Variants in CDH8 observed in about 807,000 individuals in gnomAD.
CDH8 encodes the protein cadherin-8.
Under a neutral mutation model 68.1 loss-of-function variants are expected in CDH8, and 17 were observed. That is an observed-to-expected ratio of 0.25 (90% CI 0.17 to 0.37). CDH8 has a LOEUF of 0.37. CDH8 is among the 10% of genes least tolerant of loss of function. The probability of loss-of-function intolerance (pLI) is 1.00; values close to 1 mark genes in which losing one functional copy is unlikely to be tolerated. For synonymous variants in CDH8, 372 were observed against 365.1 expected (o/e 1.02, Z -0.21); for missense variants, 763 against 999.3 (o/e 0.76, Z 3.19).
intron 2 of CDH8, among the ~76,000 whole-genome samples, chr16:61,971,874 T>C (rs1188295992): frequency 2.0e-5 from 3 of 152,186 alleles, no homozygotes; most frequent in Admixed American, 6.5e-5. Flanking sequence ...GTATATATTT[T>C]ACAATATCAT....
At chr16:61,677,408 C>T (rs1447949515) in intron 10 of CDH8, among the ~76,000 whole-genome samples, 3 of 151,780 alleles carry the variant, frequency 2.0e-5, no homozygotes, top group East Asian at 1.9e-4. Context: ...TACAAATGGG[C>T]TCCATTTACT....
intron 9 of CDH8, 68 bp downstream of exon 9, chr16:61,727,026 G>T (rs945694686): frequency 2.7e-6 from 4 of 1,495,660 alleles, no homozygotes; most frequent in Non-Finnish European, 2.8e-6. Flanking sequence ...ACAATATAAT[G>T]CAGGTTAGTC....
intron 4 of CDH8, among the ~76,000 whole-genome samples, chr16:61,845,447 A>G (rs999040925): frequency 2.8e-4 from 43 of 151,542 alleles, no homozygotes; most frequent in Admixed American, 1.3e-3. Flanking sequence ...TGTGTCACAT[A>G]CAATAAAACT....
chr16:61,981,513 C>A (rs1368478939), intron 2 of CDH8, among the ~76,000 whole-genome samples: 2 of 151,994 alleles, frequency 1.3e-5, no homozygotes, highest in African/African-American at 4.8e-5. Context: ...TAGAGTATTG[C>A]ACAGAGTCAG....
intron 4 of CDH8, among the ~76,000 whole-genome samples, chr16:61,853,969 T>C (rs1962991186): frequency 2.0e-5 from 3 of 151,630 alleles, no homozygotes; most frequent in African/African-American, 7.3e-5. Flanking sequence ...TATATACATG[T>C]ACATATATGT....
chr16:61,876,418 T>A (rs1466219951), intron 3 of CDH8, among the ~76,000 whole-genome samples: 1 of 152,102 alleles, frequency 6.6e-6, no homozygotes, highest in Non-Finnish European at 1.5e-5. Context: ...GATTTCTGGT[T>A]CTTGAAGTCA....
At chr16:61,844,887 C>A (rs1024067496) in intron 4 of CDH8, among the ~76,000 whole-genome samples, 10 of 152,082 alleles carry the variant, frequency 6.6e-5, no homozygotes, top group African/African-American at 2.4e-4. Flanking sequence ...AAGGGAAAGA[C>A]TTTAAAAGTA....
intron 2 of CDH8, among the ~76,000 whole-genome samples, chr16:61,930,442 A>T (rs1964524705): frequency 6.6e-6 from 1 of 152,182 alleles, no homozygotes. Flanking sequence ...AATGATTTGA[A>T]TTTAGCACAT....
rs1959810534 is a variant in CDH8 at position 61,739,843 on chromosome 16, C to A, written c.1415-12628G>T. 2.1e-5 allele frequency among the ~76,000 whole-genome samples: 3 copies of A among 145,214 alleles called. No individual in the cohort carries two copies. In the Admixed American group the frequency reaches 2.1e-4, roughly 10 times the overall value. ...GCAAAACAAACAAAATTAATTACTTCACACAGGTTCTCTTTAATATAGCAT... is the reference window on the plus strand; with the variant it reads ...GCAAAACAAACAAAATTAATTACTTAACACAGGTTCTCTTTAATATAGCAT... On this transcript the variant is annotated intron_variant, in intron 8 of 11. Coordinates refer to ENST00000577390, the MANE Select transcript of CDH8 (RefSeq NM_001796.5).
chr16:61,898,177 G>A (rs1452065315), intron 3 of CDH8, among the ~76,000 whole-genome samples: 1 of 152,086 alleles, frequency 6.6e-6, no homozygotes, highest in African/African-American at 2.4e-5. Context: ...ACATGTGCCT[G>A]TAATCCCAGC....
chr16:61,829,331 G>A (rs959341768), intron 4 of CDH8, among the ~76,000 whole-genome samples: 2 of 151,706 alleles, frequency 1.3e-5, no homozygotes, highest in African/African-American at 2.4e-5. Flanking sequence ...CTTCCATGAC[G>A]GTCTCTCTTA....
chr16:61,884,003 GA>G (rs1234651486), intron 3 of CDH8, among the ~76,000 whole-genome samples: 5 of 151,596 alleles, frequency 3.3e-5, no homozygotes, highest in Middle Eastern at 6.9e-3. Context: ...ATTTCTGTTA[GA>G]AAAAAAAGGA....
At chr16:61,994,801 T>G (rs74420305) in intron 2 of CDH8, among the ~76,000 whole-genome samples, 5,859 of 152,266 alleles carry the variant, frequency 0.038, 378 homozygotes, top group African/African-American at 0.13. Context: ...TCAGAACCAC[T>G]GCAAGAGAAC....
intron 8 of CDH8, among the ~76,000 whole-genome samples, chr16:61,767,586 G>A (rs571315318): frequency 6.6e-5 from 10 of 151,988 alleles, no homozygotes; most frequent in Non-Finnish European, 1.3e-4. Context: ...GGAGGTCAAA[G>A]TTATTCTTCT....
At position 61,655,711 on chromosome 16, in the gene CDH8, G is replaced by A. The variant is rs1314434178; in HGVS notation, c.1665C>T (p.Leu555=). ...ATCCATTATGCTTTGCCAAAATACT[G>A]AGGGAATTATCTGAAAAAAGTAAAA... ...FTIKKNEDNS[L]SILAKHNGFN... Residue 555 remains leucine, a synonymous_variant, in exon 11 of 12, where the codon CTC becomes CTT. Transcript: ENST00000577390. 1 of 1,613,340 alleles carries A rather than the reference G, an allele frequency of 6.2e-7. No homozygotes were observed. Among genetic ancestry groups the A allele is most frequent in the Non-Finnish European group, 8.5e-7 (1 of 1,179,422 alleles).
intron 9 of CDH8, among the ~76,000 whole-genome samples, chr16:61,721,930 G>A (rs1959221839): frequency 6.6e-6 from 1 of 150,702 alleles, no homozygotes; most frequent in South Asian, 2.1e-4. Flanking sequence ...GAGCAGGAAC[G>A]TTAGATGTGT....
Position 61,653,564 on chromosome 16 carries a change from T to C in CDH8, c.*44A>G, listed in dbSNP as rs1963372676. ...GTATCTAAGGGGAGTGACCCTAGAA[T>C]ATTACAGAATGCTCAGTTCCAGTGA... On this transcript the variant is annotated 3_prime_UTR_variant, in exon 12 of 12. Transcript: ENST00000577390. 1.9e-6 allele frequency: 3 copies of C among 1,556,986 alleles called. No individual in the cohort carries two copies. The South Asian group carries it at 3.8e-5, about 19-fold the overall frequency.
intron 2 of CDH8, chr16:61,918,201 T>C (rs1189781310): frequency 6.6e-6 from 1 of 152,180 alleles, no homozygotes; most frequent in African/African-American, 2.4e-5. Context: ...TATGTACTTA[T>C]ATTAGTAATA....
chr16:61,949,328 T>C (rs1007049521), intron 2 of CDH8, among the ~76,000 whole-genome samples: 1 of 152,028 alleles, frequency 6.6e-6, no homozygotes, highest in African/African-American at 2.4e-5. Context: ...TAAAGGATTG[T>C]AAATGCACCA....
Sources: gnomAD v4.1 joint callset for allele counts (sites outside exome capture counted in the v4.1 genomes callset) on GRCh38, gnomAD v4.1.1 for gene constraint, MANE v1.5 for transcripts, NCBI Gene and HGNC (gene_info 2026-07-23, HGNC 2026-07-21) for gene names.